The following SGCZ variants were observed in gnomAD, a reference collection of about 807,000 sequenced individuals.
The protein encoded by SGCZ is zeta-sarcoglycan.
SGCZ carries 40 observed loss-of-function variants against 41.3 expected under a neutral mutation model. The observed-to-expected ratio is 0.97, with a 90% CI of 0.75 to 1.26. SGCZ has a LOEUF of 1.26. Ranked by LOEUF, SGCZ falls within the 50% of genes most tolerant of loss-of-function variation. SGCZ has a pLI of 0.00. For missense variants in SGCZ, 552 were observed against 369.8 expected (o/e 1.49, Z -4.04); for synonymous variants, 206 against 137.5 (o/e 1.50, Z -3.49).
chr8:14,270,003 A>G (rs1033884944), intron 3 of SGCZ, among the ~76,000 whole-genome samples: 7 of 152,150 alleles, frequency 4.6e-5, no homozygotes, highest in African/African-American at 1.7e-4. Context: ...ATATTTGATG[A>G]CACAATTTCA....
Position 14,353,017 on chromosome 8 carries a change from G to C in SGCZ, c.235-28813C>G, listed in dbSNP as rs1295956907. On this transcript the variant is annotated intron_variant, in intron 2 of 7. Transcript: ENST00000382080. Reference sequence around the variant, plus strand: ...CTGTAACATTTCTGGACAACTTTCTGGGCGTTCTTACCTCTATGGACCAAC... The same window carrying C: ...CTGTAACATTTCTGGACAACTTTCTCGGCGTTCTTACCTCTATGGACCAAC... Among the ~76,000 whole-genome samples the C allele has an allele frequency of 2.6e-5, 4 of 151,874 alleles. No individual in the cohort carries two copies. The East Asian group carries it at 7.7e-4, about 29-fold the overall frequency.
chr8:14,998,100 G>A (rs771233122), intron 1 of SGCZ, among the ~76,000 whole-genome samples: 4 of 152,158 alleles, frequency 2.6e-5, no homozygotes, highest in Non-Finnish European at 5.9e-5. Context: ...TTAAAGTACT[G>A]CGTCTTTTTC....
At chr8:14,173,335 G>C (rs1804446694) in intron 4 of SGCZ, among the ~76,000 whole-genome samples, 1 of 151,920 alleles carries the variant, frequency 6.6e-6, no homozygotes, top group South Asian at 2.1e-4. Flanking sequence ...TTATAAACAT[G>C]TTCAAAGATG....
intron 1 of SGCZ, among the ~76,000 whole-genome samples, chr8:14,669,714 AC>A: frequency 6.6e-6 from 1 of 151,956 alleles, no homozygotes; most frequent in Non-Finnish European, 1.5e-5. Context: ...ACACACACAC[AC>A]ACACACACAC....
chr8:14,718,494 T>C (rs1239224465), intron 1 of SGCZ, among the ~76,000 whole-genome samples: 2 of 152,050 alleles, frequency 1.3e-5, no homozygotes, highest in Non-Finnish European at 2.9e-5. Flanking sequence ...AAATCAATGA[T>C]AACTATAAAG....
At chr8:14,262,666 C>T (rs975693616) in intron 3 of SGCZ, among the ~76,000 whole-genome samples, 5 of 151,532 alleles carry the variant, frequency 3.3e-5, no homozygotes, top group Non-Finnish European at 5.9e-5. Context: ...CTTTTATTGT[C>T]ATCGAGCTTT....
chr8:15,172,712 T>C (rs1199735412), intron 1 of SGCZ, among the ~76,000 whole-genome samples: 1 of 152,174 alleles, frequency 6.6e-6, no homozygotes, highest in South Asian at 2.1e-4. Flanking sequence ...CTTCCTGGGA[T>C]AGAATTTTAC....
rs1802780572 is a variant in SGCZ, at chr8:14,521,261, T to C, written c.234+33471A>G. Among the ~76,000 whole-genome samples, 2 of 152,170 alleles carry C rather than the reference T, an allele frequency of 1.3e-5. 1 individual carries two copies. The highest frequency in any genetic ancestry group is 4.1e-4 in the South Asian group (2 of 4,832). ...CAACCACTAATCTCTTTTCTATTTA[T>C]ATATTTTTGTCATTTCAGAAATGTT... On this transcript the variant is annotated intron_variant, in intron 2 of 7. Transcript: ENST00000382080.
chr8:14,413,405 T>G (rs972008275), intron 2 of SGCZ, among the ~76,000 whole-genome samples: 3 of 152,018 alleles, frequency 2.0e-5, no homozygotes, highest in South Asian at 2.1e-4. Context: ...TTTTTGTTGC[T>G]TTATTCTCTT....
intron 1 of SGCZ, among the ~76,000 whole-genome samples, chr8:14,771,428 C>G (rs1453175933): frequency 6.6e-6 from 1 of 152,110 alleles, no homozygotes; most frequent in East Asian, 1.9e-4. Flanking sequence ...TCTCCCTTAA[C>G]TGTACTTTCA....
intron 5 of SGCZ, among the ~76,000 whole-genome samples, chr8:14,125,775 C>T (rs1802835366): frequency 6.6e-6 from 1 of 152,100 alleles, no homozygotes; most frequent in Admixed American, 6.5e-5. Context: ...CCATAACAGA[C>T]ATATAGACCA....
intron 1 of SGCZ, among the ~76,000 whole-genome samples, chr8:15,020,595 A>G (rs1198905957): frequency 1.3e-5 from 2 of 152,174 alleles, no homozygotes; most frequent in Non-Finnish European, 2.9e-5. Flanking sequence ...CCTCAACCAG[A>G]TACACAATTC....
intron 1 of SGCZ, among the ~76,000 whole-genome samples, chr8:15,107,756 G>T (rs1000876398): frequency 6.6e-6 from 1 of 152,288 alleles, no homozygotes; most frequent in East Asian, 1.9e-4. Flanking sequence ...TGTTTGTAGA[G>T]AGTTCACTTC....
intron 2 of SGCZ, among the ~76,000 whole-genome samples, chr8:14,451,200 G>T (rs1800583063): frequency 6.6e-6 from 1 of 152,184 alleles, no homozygotes; most frequent in African/African-American, 2.4e-5. Context: ...ACCATTTGAA[G>T]AGTGATGAAA....
At chr8:14,122,881 A>G (rs1448928277) in intron 5 of SGCZ, among the ~76,000 whole-genome samples, 1 of 152,246 alleles carries the variant, frequency 6.6e-6, no homozygotes, top group Non-Finnish European at 1.5e-5. Flanking sequence ...AAAGTGAGCC[A>G]GCTACCTCAA....
At chr8:14,701,133 C>T (rs1006610258) in intron 1 of SGCZ, among the ~76,000 whole-genome samples, 1 of 151,798 alleles carries the variant, frequency 6.6e-6, no homozygotes, top group Non-Finnish European at 1.5e-5. Flanking sequence ...TTACATGGAT[C>T]TTGTTGCAAA....
chr8:14,904,902 TCTC>T (rs1406888287), intron 1 of SGCZ, among the ~76,000 whole-genome samples: 3 of 151,980 alleles, frequency 2.0e-5, no homozygotes, highest in Non-Finnish European at 4.4e-5. Context: ...ATCTTTCAAC[TCTC>T]CTCCTATGTT....
intron 1 of SGCZ, among the ~76,000 whole-genome samples, chr8:14,786,999 TA>T (rs747574353): frequency 3.4e-4 from 52 of 152,268 alleles, no homozygotes; most frequent in Admixed American, 1.5e-3. Flanking sequence ...GGACTCTTCC[TA>T]AACTCTTTCC....
intron 2 of SGCZ, among the ~76,000 whole-genome samples, chr8:14,388,643 A>G (rs1004127073): frequency 1.3e-5 from 2 of 152,076 alleles, no homozygotes; most frequent in Non-Finnish European, 2.9e-5. Flanking sequence ...CCTATAGTTC[A>G]GATAGAATAA....
Sources: allele counts gnomAD v4.1 joint callset (sites outside exome capture counted in the v4.1 genomes callset), GRCh38; gene constraint gnomAD v4.1.1; transcripts MANE v1.5; gene names NCBI Gene and HGNC (gene_info 2026-07-23, HGNC 2026-07-21).